The following ESF1 variants were observed in gnomAD, a reference collection of about 807,000 sequenced individuals.
ESF1 encodes ESF1 nucleolar pre-rRNA processing protein, also known as ESF1 homolog.
In ESF1, 58 loss-of-function variants were observed where a neutral mutation model predicts 92.0. The ratio of observed to expected loss-of-function variants is 0.63; its 90% CI spans 0.51 to 0.78. The LOEUF is 0.78. Ranked by LOEUF, ESF1 falls within the 30% of genes least tolerant of loss-of-function variation. ESF1 has a pLI of 0.00. For missense variants in ESF1, 922 were observed against 989.1 expected (o/e 0.93, Z 0.91); for synonymous variants, 321 against 313.7 (o/e 1.02, Z -0.24).
In ESF1 at chr20:13,775,162, C is replaced by T. The variant is rs144664974; in HGVS notation, c.1144G>A (p.Val382Ile). 109 of 1,576,658 alleles carry T rather than the reference C, an allele frequency of 6.9e-5. No homozygotes were observed. Among genetic ancestry groups the T allele is most frequent in the Admixed American group, 5.7e-4 (30 of 52,252 alleles). ...FKPKGGVIFS[V>I]KIYPSEFGKE... Reference sequence around the variant, plus strand: ...AAAATGAAATCAATTCTCACCTTGACGGAAAATATTACACCTCCTTTGGGT... The same window carrying T: ...AAAATGAAATCAATTCTCACCTTGATGGAAAATATTACACCTCCTTTGGGT... Residue 382 changes from valine (V) to isoleucine (I), a missense_variant, in exon 4 of 14, where the codon GTC (valine) becomes ATC (isoleucine). Transcript: ENST00000617257.
chr20:13,774,886 T>C (rs1979853268), intron 4 of ESF1, among the ~76,000 whole-genome samples: 1 of 152,204 alleles, frequency 6.6e-6, no homozygotes, highest in Admixed American at 6.5e-5. Flanking sequence ...AATTTATTGT[T>C]AAAAACACTT....
intron 11 of ESF1, among the ~76,000 whole-genome samples, chr20:13,723,029 G>GT (rs1568708772): frequency 6.6e-6 from 1 of 152,118 alleles, no homozygotes; most frequent in African/African-American, 2.4e-5. Context: ...GGCAAAAAAT[G>GT]TAACAGAATA....
chr20:13,776,934 G>T (rs991205040), intron 2 of ESF1, among the ~76,000 whole-genome samples: 7 of 152,182 alleles, frequency 4.6e-5, no homozygotes, highest in African/African-American at 1.4e-4. Flanking sequence ...AAATGGAAAT[G>T]AAGAGTTAAG....
chr20:13,734,104 T>A (rs1016048668), intron 9 of ESF1, among the ~76,000 whole-genome samples: 1 of 152,116 alleles, frequency 6.6e-6, no homozygotes, highest in Non-Finnish European at 1.5e-5. Context: ...AGCAACTTGA[T>A]ACATGGTCAA....
At chr20:13,773,097 C>A (rs1167912708) in intron 4 of ESF1, among the ~76,000 whole-genome samples, 1 of 152,172 alleles carries the variant, frequency 6.6e-6, no homozygotes, top group Non-Finnish European at 1.5e-5. Flanking sequence ...CTGACGACAA[C>A]CTTATACAGA....
At chr20:13,730,783 C>T (rs895934515) in intron 10 of ESF1, among the ~76,000 whole-genome samples, 1 of 151,360 alleles carries the variant, frequency 6.6e-6, no homozygotes, top group Non-Finnish European at 1.5e-5. Context: ...TATGTACCTA[C>T]TCAACACATT....
chr20:13,747,514 G>A (rs907111806), intron 9 of ESF1, among the ~76,000 whole-genome samples: 4 of 150,984 alleles, frequency 2.6e-5, no homozygotes, highest in African/African-American at 9.8e-5. Context: ...GCAGTGAGCC[G>A]AGATGGCACC....
At chr20:13,732,877 A>C (rs1428502873) in intron 10 of ESF1, among the ~76,000 whole-genome samples, 1 of 151,728 alleles carries the variant, frequency 6.6e-6, no homozygotes, top group Non-Finnish European at 1.5e-5. Flanking sequence ...TGTCCACAGA[A>C]ACCACATTAA....
intron 2 of ESF1, 37 bp downstream of exon 2, chr20:13,782,467 T>C: frequency 1.4e-6 from 2 of 1,459,120 alleles, no homozygotes; most frequent in Non-Finnish European, 1.8e-6. Context: ...AAATAAATAA[T>C]GTAACACCCA....
rs2147711169 is a variant in ESF1, at chr20:13,715,152, C to T, written c.2278G>A (p.Ala760Thr). Residue 760 changes from alanine (A) to threonine (T), a missense_variant, in exon 14 of 14, where the codon GCA becomes ACA. By Grantham distance (58) the Ala-to-Thr change is moderately conservative (BLOSUM62 0). Transcript: ENST00000617257. Reference sequence around the variant, plus strand: ...GAAGTGTACATTGCCTGAAACCGTGCATCGTTAACATTTACCTGCAAATCC... The same window carrying T: ...GAAGTGTACATTGCCTGAAACCGTGTATCGTTAACATTTACCTGCAAATCC... ...EDDFEVNVND[A>T]RFQAMYTSHL... The T allele has an allele frequency of 1.3e-6, 2 of 1,493,734 alleles. No individual in the cohort carries two copies. The highest frequency in any genetic ancestry group is 1.4e-5 in the African/African-American group (1 of 70,492). 92.5% of individuals were successfully genotyped at this position (1,493,734 alleles called of 1,614,324 possible).
intron 9 of ESF1, among the ~76,000 whole-genome samples, chr20:13,750,200 GAGA>G (rs1485245869): frequency 1.3e-5 from 2 of 152,128 alleles, no homozygotes; most frequent in African/African-American, 4.8e-5. Context: ...AAGATCTACA[GAGA>G]AGTACTTATG....
intron 11 of ESF1, among the ~76,000 whole-genome samples, chr20:13,720,033 C>T (rs2049856591): frequency 6.6e-6 from 1 of 152,128 alleles, no homozygotes; most frequent in African/African-American, 2.4e-5. Flanking sequence ...TAACTTTGGG[C>T]TTCCTTGATA....
At chr20:13,750,733 C>T (rs186620137) in intron 9 of ESF1, among the ~76,000 whole-genome samples, 1 of 152,312 alleles carries the variant, frequency 6.6e-6, no homozygotes, top group East Asian at 1.9e-4. Flanking sequence ...AATTCCAGCG[C>T]TTTGGGAGGC....
rs542645605 is a variant in ESF1 at position 13,759,885 on chromosome 20, A to G, written c.1667-32T>C. The G allele has an allele frequency of 5.3e-5, 83 of 1,561,020 alleles. 1 individual carries two copies. The South Asian group carries it at 9.2e-4, about 17-fold the overall frequency. ...AAAAAAAAATTCACTTAATACACAG[A>G]AACAATTCATTTCTAACTCGTGTTC... On this transcript the variant is annotated intron_variant, in intron 8 of 13. Coordinates refer to ENST00000617257, the MANE Select transcript of ESF1 (RefSeq NM_001276380.2).
intron 9 of ESF1, among the ~76,000 whole-genome samples, chr20:13,739,620 A>AT (rs1001324368): frequency 6.6e-5 from 10 of 151,740 alleles, no homozygotes. Context: ...TTCTATTGTT[A>AT]TTTTTATACA....
intron 10 of ESF1, among the ~76,000 whole-genome samples, chr20:13,731,275 T>C (rs1008906098): frequency 6.6e-6 from 1 of 152,164 alleles, no homozygotes; most frequent in Non-Finnish European, 1.5e-5. Context: ...ATTTATAAGA[T>C]ATTTTACTCA....
intron 11 of ESF1, among the ~76,000 whole-genome samples, chr20:13,725,983 A>T (rs1273995852): frequency 6.6e-6 from 1 of 152,172 alleles, no homozygotes; most frequent in African/African-American, 2.4e-5. Context: ...CTCAAACCAA[A>T]AACAGAAGTT....
At chr20:13,767,382 G>A (rs1012687643) in intron 7 of ESF1, among the ~76,000 whole-genome samples, 7 of 151,962 alleles carry the variant, frequency 4.6e-5, no homozygotes, top group Admixed American at 6.6e-5. Flanking sequence ...TTAGCTGGGC[G>A]TGGTAGCAGG....
chr20:13,766,844 G>A lies in ESF1; in HGVS notation c.1599C>T (p.Asp533=). 1 of 1,613,756 alleles carries A rather than the reference G, an allele frequency of 6.2e-7. No individual in the cohort carries two copies. The highest frequency in any genetic ancestry group is 8.5e-7 in the Non-Finnish European group (1 of 1,179,874). ...AAGCTAAGTAGGCTTGAAAATCCAT[G>A]TCCAAAAGCTCTTCCTTTTTAAACT... ...NRKFKKEELL[D]MDFQAYLASS... The change falls in exon 8 of 14, where the codon GAC becomes GAT. Residue 533 remains aspartate (D), a synonymous_variant. Coordinates refer to ENST00000617257, the MANE Select transcript of ESF1 (RefSeq NM_001276380.2).
Sources: allele counts gnomAD v4.1 joint callset (sites outside exome capture counted in the v4.1 genomes callset), GRCh38; gene constraint gnomAD v4.1.1; transcripts MANE v1.5; gene names NCBI Gene and HGNC (gene_info 2026-07-23, HGNC 2026-07-21).